Variants in STEAP3 observed in about 807,000 individuals in gnomAD.
STEAP3 encodes the protein metalloreductase STEAP3.
STEAP3 carries 35 observed loss-of-function variants against 34.9 expected under a neutral mutation model. The observed-to-expected ratio is 1.00, with a 90% CI of 0.76 to 1.33. The LOEUF (loss-of-function observed/expected upper bound fraction) is 1.33, where lower values mean the gene tolerates loss of function less well. Among genes scored for constraint, STEAP3 ranks in the 40% most tolerant of loss-of-function variants. The pLI, the probability that STEAP3 is intolerant of heterozygous loss-of-function variation, is 0.00. For missense variants in STEAP3, 652 were observed against 667.6 expected (o/e 0.98, Z 0.26); for synonymous variants, 281 against 301.6 (o/e 0.93, Z 0.71).
intron 2 of STEAP3, 129 bp downstream of exon 2, chr2:119,231,163 C>T (rs73948626): frequency 0.042 from 50,676 of 1,197,368 alleles, 2,039 homozygotes; most frequent in African/African-American, 0.19. Flanking sequence ...GTCCGAGGAA[C>T]TCGACACCTC....
chr2:119,245,578 GC>G lies in STEAP3; in HGVS notation c.117del (p.Val41TrpfsTer44). 6.2e-7 allele frequency: 1 copy of G among 1,606,282 alleles called. No individual in the cohort carries two copies. Among genetic ancestry groups the G allele is most frequent in the Non-Finnish European group, 8.5e-7 (1 of 1,173,548 alleles). ...DSSLAKVPDE[A>X]PKVGILGSGD... ...TAGCCTTGCCAAGGTCCCCGATGAGGCCCCCAAAGTGGGCATCCTGGGTAGC... is the reference window on the plus strand; with the variant it reads ...TAGCCTTGCCAAGGTCCCCGATGAGGCCCCAAAGTGGGCATCCTGGGTAGC... On this transcript the variant is annotated frameshift_variant, in exon 3 of 6. Coordinates refer to ENST00000393110, the MANE Select transcript of STEAP3 (RefSeq NM_182915.3). LOFTEE classifies it high-confidence loss of function.
intron 1 of STEAP3, among the ~76,000 whole-genome samples, chr2:119,227,827 T>TA (rs949820621): frequency 1.3e-5 from 2 of 151,364 alleles, no homozygotes; most frequent in African/African-American, 4.9e-5. Context: ...TTTATTTATT[T>TA]ATTTATTTAT....
At chr2:119,227,172 C>T (rs1679066362) in intron 1 of STEAP3, among the ~76,000 whole-genome samples, 1 of 151,502 alleles carries the variant, frequency 6.6e-6, no homozygotes, top group African/African-American at 2.4e-5. Flanking sequence ...CAGTAAGGCT[C>T]AGGACCTATA....
Position 119,247,793 on chromosome 2 carries a change from G to A in STEAP3, c.637G>A (p.Ala213Thr), listed in dbSNP as rs750297143. The change falls in exon 4 of 6, where the codon GCC becomes ACC. Residue 213 changes from alanine to threonine, a missense_variant. Coordinates refer to ENST00000393110, the MANE Select transcript of STEAP3 (RefSeq NM_182915.3). Reference protein sequence around the residue: ...GSLASAWEVEAMPLRLLPAWK... With the variant: ...GSLASAWEVETMPLRLLPAWK... ...CCTGGCGTCAGCCTGGGAGGTGGAG[G>A]CCATGCCCCTGCGCCTCCTCCCGGC... is the stretch of plus-strand genomic sequence containing the variant. The A allele has an allele frequency of 2.2e-5, 36 of 1,610,598 alleles. No individual in the cohort carries two copies. Among genetic ancestry groups the A allele is most frequent in the Non-Finnish European group, 2.8e-5 (33 of 1,179,842 alleles).
At chr2:119,253,418 C>T (rs750052112) in intron 4 of STEAP3, among the ~76,000 whole-genome samples, 2 of 151,894 alleles carry the variant, frequency 1.3e-5, no homozygotes, top group African/African-American at 2.4e-5. Flanking sequence ...AACCATTTTG[C>T]TCAGCCCAGT....
intron 2 of STEAP3, among the ~76,000 whole-genome samples, chr2:119,240,320 G>C (rs2104808587): frequency 6.6e-6 from 1 of 152,350 alleles, no homozygotes; most frequent in South Asian, 2.1e-4. Context: ...TCCCCACATG[G>C]GAGGCGTGCG....
At chr2:119,240,698 G>T (rs146406245) in intron 2 of STEAP3, among the ~76,000 whole-genome samples, 1 of 152,222 alleles carries the variant, frequency 6.6e-6, no homozygotes, top group South Asian at 2.1e-4. Context: ...CAGGACACCC[G>T]ATCCTCCATG....
At chr2:119,254,341 G>A (rs1316396992) in intron 4 of STEAP3, among the ~76,000 whole-genome samples, 1 of 152,050 alleles carries the variant, frequency 6.6e-6, no homozygotes. Context: ...CTGCCCCGGG[G>A]CAGATATGTG....
intron 5 of STEAP3, among the ~76,000 whole-genome samples, chr2:119,255,698 T>C (rs1677755225): frequency 6.6e-6 from 1 of 151,088 alleles, no homozygotes; most frequent in South Asian, 2.1e-4. Flanking sequence ...TTCCAGGAGT[T>C]AGAAGTTCAA....
rs1040289729 is a variant in STEAP3, at chr2:119,263,626, C to T, written c.*288C>T. 6 of 505,124 alleles carry T rather than the reference C, an allele frequency of 1.2e-5. No individual in the cohort carries two copies. The highest frequency in any genetic ancestry group is 6.4e-5 in the Admixed American group (2 of 31,094). 31.3% of individuals were successfully genotyped at this position (505,124 alleles called of 1,614,324 possible). The stretch of plus-strand genomic sequence containing the variant: ...CAACTTGTAGATTTAAAAACAAGTG[C>T]CGTACGTTAAGAGAAGAGCAGATCA... On this transcript the variant is annotated 3_prime_UTR_variant, in exon 6 of 6. Coordinates refer to ENST00000393110, the MANE Select transcript of STEAP3 (RefSeq NM_182915.3).
At chr2:119,255,974 T>A (rs1206061077) in intron 5 of STEAP3, among the ~76,000 whole-genome samples, 1 of 152,192 alleles carries the variant, frequency 6.6e-6, no homozygotes, top group East Asian at 1.9e-4. Context: ...TCTCCCACTG[T>A]TCTCCACACA....
In STEAP3 at chr2:119,248,074, C is replaced by A; in HGVS notation, c.918C>A (p.Asp306Glu). 8.7e-6 allele frequency: 14 copies of A among 1,608,446 alleles called. No individual in the cohort carries two copies. Among genetic ancestry groups the A allele is most frequent in the Non-Finnish European group, 1.2e-5 (14 of 1,179,900 alleles). The change falls in exon 4 of 6, where the codon GAC (aspartate) becomes GAA (glutamate). Residue 306 changes from aspartate to glutamate, a missense_variant. Transcript: ENST00000393110. ...ACCAGCGCTTCCCCGACTGGCTGGA[C>A]CACTGGCTACAGCACCGCAAGCAGA... is the stretch of plus-strand genomic sequence containing the variant. ...TKYQRFPDWL[D>E]HWLQHRKQIG...
At chr2:119,224,046 C>T (rs531185085) in intron 1 of STEAP3, among the ~76,000 whole-genome samples, 158 bp downstream of exon 1, 1 of 152,214 alleles carries the variant, frequency 6.6e-6, no homozygotes, top group Non-Finnish European at 1.5e-5. Context: ...CACGTGCGCC[C>T]GGCGGCAGAG....
At chr2:119,262,745 C>T (rs753382749) in intron 5 of STEAP3, among the ~76,000 whole-genome samples, 2 of 152,120 alleles carry the variant, frequency 1.3e-5, no homozygotes, top group African/African-American at 2.4e-5. Context: ...CCAGAGATAA[C>T]AAATAACAAA....
intron 4 of STEAP3, among the ~76,000 whole-genome samples, chr2:119,251,672 G>A (rs1370357198): frequency 6.6e-6 from 1 of 152,060 alleles, no homozygotes; most frequent in African/African-American, 2.4e-5. Context: ...TTGGGATAAT[G>A]GTAGAACCCT....
At chr2:119,242,956 A>G (rs2104813368) in intron 2 of STEAP3, among the ~76,000 whole-genome samples, 1 of 152,306 alleles carries the variant, frequency 6.6e-6, no homozygotes, top group South Asian at 2.1e-4. Flanking sequence ...CACCTACAAA[A>G]TGTAGCCCAC....
At chr2:119,248,300 G>A (rs978831964) in intron 4 of STEAP3, 94 bp downstream of exon 4, 64 of 1,407,096 alleles carry the variant, frequency 4.5e-5, no homozygotes, top group Non-Finnish European at 5.2e-5. Flanking sequence ...CGATACCCAC[G>A]GGTGCAGCCT....
rs779830150 is a variant in STEAP3, at chr2:119,263,161, C to T, written c.1320C>T (p.Pro440=). 7 of 1,614,188 alleles carry T rather than the reference C, an allele frequency of 4.3e-6. No individual in the cohort carries two copies. Among genetic ancestry groups the T allele is most frequent in the Non-Finnish European group, 5.9e-6 (7 of 1,180,044 alleles). ...GCCGCTACAAGTTCTACCTGCCTCC[C>T]ACCTTCACGCTCACGCTGCTGGTGC... ...EESRYKFYLP[P]TFTLTLLVPC... is the part of the protein sequence containing the mutation. Residue 440 remains proline, a synonymous_variant, in exon 6 of 6, where the codon CCC becomes CCT. Coordinates refer to ENST00000393110, the MANE Select transcript of STEAP3 (RefSeq NM_182915.3).
chr2:119,248,163 G>A lies in STEAP3; in HGVS notation c.1007G>A (p.Arg336His), dbSNP rs184644411. 2.9e-4 allele frequency: 463 copies of A among 1,604,742 alleles called. No homozygotes were observed. Among genetic ancestry groups the A allele is most frequent in the Middle Eastern group, 5.0e-4 (3 of 6,048 alleles). ...CTCTACAGCTTCTGCTTGCCGCTGC[G>A]CCGCGCCCACCGCTACGACCTGGTC... The part of the protein sequence containing the change: ...HALYSFCLPL[R>H]RAHRYDLVNL... Residue 336 changes from arginine (R) to histidine (H), a missense_variant, in exon 4 of 6, where the codon CGC becomes CAC. By Grantham distance (29) the Arg-to-His change is conservative. Coordinates refer to ENST00000393110, the MANE Select transcript of STEAP3 (RefSeq NM_182915.3).
Sources: gnomAD v4.1 joint callset for allele counts (sites outside exome capture counted in the v4.1 genomes callset) on GRCh38, gnomAD v4.1.1 for gene constraint, MANE v1.5 for transcripts, NCBI Gene and HGNC (gene_info 2026-07-23, HGNC 2026-07-21) for gene names.